Variants in ASB16 observed in about 807,000 individuals in gnomAD.
The protein encoded by ASB16 is ankyrin repeat and SOCS box protein 16.
ASB16 carries 44 observed loss-of-function variants against 39.1 expected under a neutral mutation model. That is an observed-to-expected ratio of 1.13 (90% confidence interval 0.88 to 1.45). The LOEUF is 1.45. ASB16 is among the 40% of genes most tolerant of loss of function. The pLI, the probability that ASB16 is intolerant of heterozygous loss-of-function variation, is 0.00. For missense variants in ASB16, 698 were observed against 634.5 expected (o/e 1.10, Z -1.07); for synonymous variants, 305 against 286.7 (o/e 1.06, Z -0.64).
chr17:44,177,277 C>T (rs1370779439), intron 3 of ASB16, 47 bp downstream of exon 3: 8 of 1,482,084 alleles, frequency 5.4e-6, no homozygotes, highest in Non-Finnish European at 7.2e-6. Context: ...TGGGGGAGCC[C>T]GCGGCTGGAA....
intron 4 of ASB16, 49 bp from the exon 5 acceptor site, chr17:44,178,156 C>G (rs998305682): frequency 1.2e-5 from 19 of 1,598,140 alleles, no homozygotes; most frequent in Non-Finnish European, 1.5e-5. Flanking sequence ...TGGGTTGCCC[C>G]CAGATGGTAG....
rs57839628 is a variant in ASB16 at position 44,171,561 on chromosome 17, TA to T, written c.302-469del. Among the ~76,000 whole-genome samples the T allele has an allele frequency of 2.4e-3, 235 of 97,596 alleles. 2 individuals are homozygous for T. The highest frequency in any genetic ancestry group is 4.7e-3 in the Middle Eastern group (1 of 214). The allele number at this position is 97,596 out of a possible 152,430, so 64.0% of individuals were successfully genotyped here. A position where few individuals can be genotyped will look rare whatever the true frequency, so the allele number is the denominator to read the frequency against. ...CTGGGGGACAGAGCGAGACCCTGCCTAAAAAAAAAAAAAAAAGAGACAAGGT... is the reference window on the plus strand; with the variant it reads ...CTGGGGGACAGAGCGAGACCCTGCCTAAAAAAAAAAAAAAAGAGACAAGGT... On this transcript the variant is annotated intron_variant, in intron 1 of 4. Coordinates refer to ENST00000293414, the MANE Select transcript of ASB16 (RefSeq NM_080863.5).
Position 44,177,707 on chromosome 17 carries a change from C to T in ASB16, c.1161C>T (p.Leu387=), listed in dbSNP as rs376109929. 44 of 1,613,610 alleles carry T rather than the reference C, an allele frequency of 2.7e-5. No homozygotes were observed. The highest frequency in any genetic ancestry group is 3.6e-5 in the Non-Finnish European group (42 of 1,179,770). The part of the protein sequence containing the change: ...PSCETWVEAV[L]PELWKEHEAF... Reference sequence around the variant, plus strand: ...GTGAGACCTGGGTGGAGGCGGTGCTCCCAGAGCTGTGGAAGGTATGTTTGC... The same window carrying T: ...GTGAGACCTGGGTGGAGGCGGTGCTTCCAGAGCTGTGGAAGGTATGTTTGC... The change falls in exon 4 of 5, where the codon CTC becomes CTT. Residue 387 remains leucine, a synonymous_variant. Coordinates refer to ENST00000293414, the MANE Select transcript of ASB16 (RefSeq NM_080863.5).
chr17:44,171,097 G>A lies in ASB16; in HGVS notation c.301+7G>A. 1 of 1,610,178 alleles carries A rather than the reference G, an allele frequency of 6.2e-7. No individual in the cohort carries two copies. Among genetic ancestry groups the A allele is most frequent in the Non-Finnish European group, 8.5e-7 (1 of 1,177,496 alleles). On this transcript the variant is annotated splice_region_variant and intron_variant, in intron 1 of 4. Transcript: ENST00000293414. ...GCCTGGTCGGCTGAACAGGGTAGGG[G>A]GCACCAGAAGAGGGCAGAAGAGGAG...
chr17:44,176,882 G>A lies in ASB16; in HGVS notation c.714G>A (p.Leu238=). 1 of 1,604,398 alleles carries A rather than the reference G, an allele frequency of 6.2e-7. No homozygotes were observed. The highest frequency in any genetic ancestry group is 1.1e-5 in the South Asian group (1 of 90,712). Residue 238 remains leucine, a synonymous_variant, in exon 3 of 5, where the codon CTG becomes CTA. Transcript: ENST00000293414. ...LYLEHGADVG[L]RTSQGETALN... The stretch of plus-strand genomic sequence containing the variant: ...TGGAGCATGGCGCCGACGTGGGCCT[G>A]CGCACCAGCCAGGGCGAGACTGCGC...
intron 3 of ASB16, 82 bp from the exon 4 acceptor site, chr17:44,177,527 A>AT (rs2054315986): frequency 3.9e-6 from 6 of 1,533,374 alleles, no homozygotes; most frequent in Non-Finnish European, 5.3e-6. Context: ...TTAGGCTAGG[A>AT]TTGGCCATGT....
In ASB16 at chr17:44,176,763, G is replaced by A. The variant is rs1274324931; in HGVS notation, c.595G>A (p.Gly199Arg). The part of the protein sequence containing the change: ...LQCAKLLLEA[G>R]ATVNLAAGES... ...GTGCGCCAAGTTGCTGCTGGAAGCA[G>A]GAGCGACGGTGAACCTGGCAGCAGG... The change falls in exon 3 of 5, where the codon GGA becomes AGA. Residue 199 changes from glycine to arginine, a missense_variant. Physicochemically the swap from Gly to Arg is moderately radical, Grantham distance 125. Transcript: ENST00000293414. 6.2e-7 allele frequency: 1 copy of A among 1,613,846 alleles called. No homozygotes were observed. The highest frequency in any genetic ancestry group is 8.5e-7 in the Non-Finnish European group (1 of 1,179,934).
chr17:44,178,550 G>C lies in ASB16; in HGVS notation c.*160G>C. ...TGCAGTGGCGCTATCTCGGCTCACT[G>C]CAACTTCTACCACCTAGGTTCAAGC... On this transcript the variant is annotated 3_prime_UTR_variant, in exon 5 of 5. Transcript: ENST00000293414. 1.3e-6 allele frequency: 1 copy of C among 763,474 alleles called. No individual in the cohort carries two copies. The highest frequency in any genetic ancestry group is 2.0e-6 in the Non-Finnish European group (1 of 488,014). The allele number at this position is 763,474 out of a possible 1,614,324, so 47.3% of individuals were successfully genotyped here. A position where few individuals can be genotyped will look rare whatever the true frequency, so the allele number is the denominator to read the frequency against.
chr17:44,177,956 T>C, intron 4 of ASB16: 1 of 684,354 alleles, frequency 1.5e-6, no homozygotes, highest in Non-Finnish European at 2.5e-6. Context: ...CTGGCATCTC[T>C]TAACTTGGTG....
At chr17:44,171,763 CTACT>C (rs1244786784) in intron 1 of ASB16, among the ~76,000 whole-genome samples, 2 of 152,096 alleles carry the variant, frequency 1.3e-5, no homozygotes, top group African/African-American at 4.8e-5. Context: ...GGGAGTCACT[CTACT>C]TAGTTGGCCC....
chr17:44,172,493 C>G lies in ASB16; in HGVS notation c.569+180C>G, dbSNP rs187846095. Reference sequence around the variant, plus strand: ...TCCTACAGATGAGAAAAATGAAGCTCAGAAAGGCTTAGTAACTTGTCCAAG... The same window carrying G: ...TCCTACAGATGAGAAAAATGAAGCTGAGAAAGGCTTAGTAACTTGTCCAAG... On this transcript the variant is annotated intron_variant, in intron 2 of 4. Coordinates refer to ENST00000293414, the MANE Select transcript of ASB16 (RefSeq NM_080863.5). 2.3e-3 allele frequency among the ~76,000 whole-genome samples: 357 copies of G among 152,292 alleles called. 1 individual carries two copies. Among genetic ancestry groups the G allele is most frequent in the Non-Finnish European group, 3.1e-3 (214 of 68,020 alleles).
intron 1 of ASB16, 64 bp downstream of exon 1, chr17:44,171,154 G>A: frequency 6.6e-7 from 1 of 1,514,078 alleles, no homozygotes; most frequent in Non-Finnish European, 8.9e-7. Flanking sequence ...GGGGAAGGGG[G>A]AGAGTCTAGG....
In ASB16 at chr17:44,175,610, G is replaced by A. The variant is rs1476061828; in HGVS notation, c.570-1128G>A. On this transcript the variant is annotated intron_variant, in intron 2 of 4. Transcript: ENST00000293414. Reference sequence around the variant, plus strand: ...GGTATTTGATTATCAGAGTTTCATCGAGGATGGTGGATCTGCTCCTGTTTC... The same window carrying A: ...GGTATTTGATTATCAGAGTTTCATCAAGGATGGTGGATCTGCTCCTGTTTC... Among the ~76,000 whole-genome samples the A allele has an allele frequency of 5.9e-5, 9 of 152,140 alleles. No homozygotes were observed. The East Asian group carries it at 1.5e-3, about 26-fold the overall frequency.
rs192855432 is a variant in ASB16, at chr17:44,170,768, C to G, written c.-22C>G. ...ACCTGGCTCTGCCCAGGTGCCACTG[C>G]CCAAACCCCTGGGCCCCATCCATGG... is the stretch of plus-strand genomic sequence containing the variant. On this transcript the variant is annotated 5_prime_UTR_variant, in exon 1 of 5. Coordinates refer to ENST00000293414, the MANE Select transcript of ASB16 (RefSeq NM_080863.5). The G allele has an allele frequency of 2.5e-3, 3,879 of 1,564,108 alleles. 171 individuals carry two copies. In the Admixed American group the frequency reaches 0.067, roughly 27 times the overall value.
Position 44,176,969 on chromosome 17 carries a change from G to A in ASB16, c.801G>A (p.Ala267=), listed in dbSNP as rs759349934. 1.3e-6 allele frequency: 2 copies of A among 1,486,352 alleles called. No homozygotes were observed. The highest frequency in any genetic ancestry group is 2.7e-5 in the East Asian group (1 of 37,394). 92.1% of individuals were successfully genotyped at this position (1,486,352 alleles called of 1,614,324 possible). The change falls in exon 3 of 5, where the codon GCG becomes GCA. Residue 267 remains alanine (A), a synonymous_variant. Coordinates refer to ENST00000293414, the MANE Select transcript of ASB16 (RefSeq NM_080863.5). ...GCTGCAGGCGACACCAGGCTGCGGCGCGCCGGCTCCTGGAGGCTGGAGCTG... is the reference window on the plus strand; with the variant it reads ...GCTGCAGGCGACACCAGGCTGCGGCACGCCGGCTCCTGGAGGCTGGAGCTG... ...PGSCRRHQAA[A]RRLLEAGADA...
Position 44,176,974 on chromosome 17 carries a change from G to T in ASB16, c.806G>T (p.Arg269Leu). The change falls in exon 3 of 5, where the codon CGG (arginine) becomes CTG (leucine). Residue 269 changes from arginine to leucine, a missense_variant. By Grantham distance (102) the Arg-to-Leu change is moderately radical (BLOSUM62 -2). Coordinates refer to ENST00000293414, the MANE Select transcript of ASB16 (RefSeq NM_080863.5). ...AGGCGACACCAGGCTGCGGCGCGCC[G>T]GCTCCTGGAGGCTGGAGCTGATGCC... is the stretch of plus-strand genomic sequence containing the variant. The part of the protein sequence containing the change: ...SCRRHQAAAR[R>L]LLEAGADARA... The T allele has an allele frequency of 6.7e-7, 1 of 1,484,026 alleles. No homozygotes were observed. The highest frequency in any genetic ancestry group is 8.8e-7 in the Non-Finnish European group (1 of 1,130,054). The allele number at this position is 1,484,026 out of a possible 1,614,324, so 91.9% of individuals were successfully genotyped here. A position where few individuals can be genotyped will look rare whatever the true frequency, so the allele number is the denominator to read the frequency against.
At position 44,177,231 on chromosome 17, in the gene ASB16, G is replaced by A. The variant is rs2054310672; in HGVS notation, c.1062+1G>A. On this transcript the variant is annotated splice_donor_variant, in intron 3 of 4. Coordinates refer to ENST00000293414, the MANE Select transcript of ASB16 (RefSeq NM_080863.5). LOFTEE classifies it high-confidence loss of function. Reference sequence around the variant, plus strand: ...CGGGGCGCAGCCAGTGCGCCCTGAGGTGCGCTGGGAGGCCCTGACATAGGA... The same window carrying A: ...CGGGGCGCAGCCAGTGCGCCCTGAGATGCGCTGGGAGGCCCTGACATAGGA... 2 of 1,535,620 alleles carry A rather than the reference G, an allele frequency of 1.3e-6. No individual in the cohort carries two copies. The highest frequency in any genetic ancestry group is 2.1e-5 in the Admixed American group (1 of 47,336).
intron 2 of ASB16, 24 bp from the exon 3 acceptor site, chr17:44,176,714 A>T: frequency 6.2e-7 from 1 of 1,613,892 alleles, no homozygotes; most frequent in Non-Finnish European, 8.5e-7. Flanking sequence ...GATTTTCCTC[A>T]GGACCTTGCT....
chr17:44,175,396 C>T (rs563148166), intron 2 of ASB16, among the ~76,000 whole-genome samples: 71 of 95,346 alleles, frequency 7.4e-4, no homozygotes, highest in Non-Finnish European at 1.2e-3. Flanking sequence ...AATGAGACTC[C>T]ATCTAAAAAA....
Sources: gnomAD v4.1 joint callset for allele counts (sites outside exome capture counted in the v4.1 genomes callset) on GRCh38, gnomAD v4.1.1 for gene constraint, MANE v1.5 for transcripts, NCBI Gene and HGNC (gene_info 2026-07-23, HGNC 2026-07-21) for gene names.